The following MYO3A variants were observed in gnomAD, a reference collection of about 807,000 sequenced individuals.
MYO3A encodes myosin IIIA.
A neutral mutation model predicts 192.7 loss-of-function variants in MYO3A; 180 were observed. The ratio of observed to expected loss-of-function variants is 0.93; its 90% confidence interval spans 0.83 to 1.06. The LOEUF (loss-of-function observed/expected upper bound fraction) is 1.06. MYO3A is among the 50% of genes least tolerant of loss of function. The pLI is 0.00. For missense variants in MYO3A, 1,896 were observed against 1,905.0 expected, an observed-to-expected ratio of 1.00 and a Z score of 0.09; for synonymous variants, 628 against 645.3, an observed-to-expected ratio of 0.97 and a Z score of 0.41.
At chr10:25,953,630 G>T (rs1486288464) in intron 3 of MYO3A, among the ~76,000 whole-genome samples, 1 of 152,090 alleles carries the variant, frequency 6.6e-6, no homozygotes, top group African/African-American at 2.4e-5. Context: ...GCCCCATAGT[G>T]TATCTCTTTC....
At chr10:25,994,319 GA>G (rs1257971545) in intron 4 of MYO3A, among the ~76,000 whole-genome samples, 1 of 152,132 alleles carries the variant, frequency 6.6e-6, no homozygotes, top group African/African-American at 2.4e-5. Context: ...TGTTTTATCA[GA>G]GACTAGGATT....
At chr10:26,205,630 T>G (rs1843891523) in intron 34 of MYO3A, among the ~76,000 whole-genome samples, 1 of 139,048 alleles carries the variant, frequency 7.2e-6, no homozygotes, top group African/African-American at 2.7e-5. Context: ...TTTTTTTTTT[T>G]TTTTGAGACA....
chr10:26,135,187 A>G (rs1839774228), intron 20 of MYO3A, among the ~76,000 whole-genome samples: 1 of 152,164 alleles, frequency 6.6e-6, no homozygotes, highest in Non-Finnish European at 1.5e-5. Context: ...GGTTTTTCTC[A>G]TGAACAAACA....
At chr10:26,016,251 CGT>C (rs1348000737) in intron 6 of MYO3A, among the ~76,000 whole-genome samples, 1 of 152,080 alleles carries the variant, frequency 6.6e-6, no homozygotes, top group Non-Finnish European at 1.5e-5. Flanking sequence ...GAAGAGAACT[CGT>C]TCTGTTAATG....
rs146797033 is a variant in MYO3A, at chr10:26,088,343, G to A, written c.1500G>A (p.Ala500=). The part of the protein sequence containing the change: ...YLEMKFTSSG[A]VVGAQISEYL... ...AAATGAAATTCACCTCTTCTGGAGC[G>A]GTAGTGGGAGCACAGATTTCTGAAT... is the stretch of plus-strand genomic sequence containing the variant. The change falls in exon 15 of 35, where the codon GCG becomes GCA. Residue 500 remains alanine (A), a synonymous_variant. Transcript: ENST00000642920. The A allele has an allele frequency of 1.8e-4, 283 of 1,613,830 alleles. No homozygotes were observed. In the African/African-American group the frequency reaches 3.3e-3, roughly 19 times the overall value.
At chr10:26,135,619 A>C (rs1199910043) in intron 20 of MYO3A, among the ~76,000 whole-genome samples, 2 of 152,094 alleles carry the variant, frequency 1.3e-5, no homozygotes, top group Non-Finnish European at 2.9e-5. Context: ...AAGCAAAGAA[A>C]TCTCAGACAT....
chr10:26,168,689 T>A (rs757885598), intron 27 of MYO3A, 23 bp from the exon 28 acceptor site: 2 of 1,605,566 alleles, frequency 1.2e-6, no homozygotes, highest in South Asian at 1.1e-5. Flanking sequence ...CATGGTTCTT[T>A]GTATTATATT....
intron 10 of MYO3A, among the ~76,000 whole-genome samples, chr10:26,064,560 T>A (rs940001591): frequency 1.3e-5 from 2 of 152,112 alleles, no homozygotes; most frequent in African/African-American, 2.4e-5. Context: ...ACATTTTTTT[T>A]AAAGATCACT....
intron 10 of MYO3A, among the ~76,000 whole-genome samples, chr10:26,066,388 T>C (rs1588890913): frequency 6.6e-6 from 1 of 152,284 alleles, no homozygotes; most frequent in East Asian, 1.9e-4. Context: ...AAATAAACCA[T>C]TGTGTTTATC....
At chr10:26,111,126 C>T (rs140379183) in intron 17 of MYO3A, among the ~76,000 whole-genome samples, 250 of 152,212 alleles carry the variant, frequency 1.6e-3, no homozygotes, top group African/African-American at 5.9e-3. Flanking sequence ...CCTCAGCCTC[C>T]CAAGTAGCTG....
chr10:26,079,776 G>A (rs903964069), intron 14 of MYO3A, among the ~76,000 whole-genome samples: 3 of 152,132 alleles, frequency 2.0e-5, no homozygotes, highest in Non-Finnish European at 2.9e-5. Context: ...CTTCATATAT[G>A]ATGCTTAGTT....
At chr10:26,128,662 T>G (rs1761421641) in intron 20 of MYO3A, 124 bp downstream of exon 20, 8 of 1,040,364 alleles carry the variant, frequency 7.7e-6, no homozygotes, top group Admixed American at 2.3e-5. Context: ...CAAAAGATTT[T>G]TATTATCTCC....
chr10:26,134,676 GT>G (rs1346445097), intron 20 of MYO3A, among the ~76,000 whole-genome samples: 1 of 151,320 alleles, frequency 6.6e-6, no homozygotes. Context: ...AGTGGCAAAA[GT>G]TTTTTTTTCA....
chr10:26,156,423 T>G (rs1414256693), intron 25 of MYO3A, among the ~76,000 whole-genome samples: 1 of 152,248 alleles, frequency 6.6e-6, no homozygotes, highest in Non-Finnish European at 1.5e-5. Flanking sequence ...ATTCCACTTT[T>G]AGTTGATTAT....
chr10:26,031,746 C>T (rs2131153163), intron 10 of MYO3A, among the ~76,000 whole-genome samples: 1 of 152,370 alleles, frequency 6.6e-6, no homozygotes, highest in East Asian at 1.9e-4. Flanking sequence ...GATCCTCCTG[C>T]ATCAGCCTCC....
intron 22 of MYO3A, among the ~76,000 whole-genome samples, 198 bp from the exon 23 acceptor site, chr10:26,147,231 CA>C (rs1564595720): frequency 6.6e-6 from 1 of 151,356 alleles, no homozygotes; most frequent in Non-Finnish European, 1.5e-5. Flanking sequence ...CAGTGAGACA[CA>C]GATGATAAGG....
chr10:25,977,791 A>G (rs1310089191), intron 4 of MYO3A, among the ~76,000 whole-genome samples: 1 of 152,178 alleles, frequency 6.6e-6, no homozygotes, highest in Non-Finnish European at 1.5e-5. Flanking sequence ...TTTACAAAAT[A>G]GATGCACAAA....
intron 4 of MYO3A, among the ~76,000 whole-genome samples, chr10:25,987,593 G>A (rs1173101132): frequency 2.6e-5 from 4 of 152,086 alleles, no homozygotes; most frequent in African/African-American, 4.8e-5. Context: ...TGGGCAACAA[G>A]CATATGAAAA....
chr10:26,186,923 G>C (rs1427692347), intron 31 of MYO3A, among the ~76,000 whole-genome samples: 1 of 151,958 alleles, frequency 6.6e-6, no homozygotes, highest in East Asian at 1.9e-4. Context: ...TCTGAATCTT[G>C]ATAAAAATAT....
Sources: allele counts gnomAD v4.1 joint callset (sites outside exome capture counted in the v4.1 genomes callset), GRCh38; gene constraint gnomAD v4.1.1; transcripts MANE v1.5; gene names NCBI Gene and HGNC (gene_info 2026-07-23, HGNC 2026-07-21).